Variants in MAF observed in about 807,000 individuals in gnomAD.
MAF encodes the protein transcription factor Maf.
Under a neutral mutation model 22.0 loss-of-function variants are expected in MAF, and 10 were observed. The ratio of observed to expected loss-of-function variants is 0.45; its 90% confidence interval spans 0.28 to 0.77. The LOEUF (loss-of-function observed/expected upper bound fraction) is 0.77. MAF is among the 30% of genes least tolerant of loss of function. The pLI, the probability that MAF is intolerant of heterozygous loss-of-function variation, is 0.12. For missense variants in MAF, 544 were observed against 548.4 expected (o/e 0.99, Z 0.08); for synonymous variants, 337 against 255.8 (o/e 1.32, Z -3.03).
chr16:79,507,895 A>T, the MAF span, among the ~76,000 whole-genome samples: 1 of 152,192 alleles, frequency 6.6e-6, no homozygotes, highest in South Asian at 2.1e-4. Context: ...TAAAATACCT[A>T]ATTGTTATTA....
chr16:79,379,905 C>G, the MAF span, among the ~76,000 whole-genome samples: 1 of 152,176 alleles, frequency 6.6e-6, no homozygotes, highest in African/African-American at 2.4e-5. Flanking sequence ...TGTTTGAGCT[C>G]AGAGACTCCC....
the MAF span, among the ~76,000 whole-genome samples, chr16:79,497,474 G>A: frequency 5.9e-5 from 9 of 152,176 alleles, no homozygotes; most frequent in East Asian, 1.5e-3. Flanking sequence ...GCTGTGCACT[G>A]CCCAAGGTCA....
chr16:79,415,077 G>A, the MAF span, among the ~76,000 whole-genome samples: 1 of 152,194 alleles, frequency 6.6e-6, no homozygotes, highest in South Asian at 2.1e-4. Flanking sequence ...AACCTCAAAG[G>A]ACTGTGTGCC....
the MAF span, among the ~76,000 whole-genome samples, chr16:79,516,826 C>G: frequency 8.8e-6 from 1 of 113,402 alleles, no homozygotes; most frequent in Non-Finnish European, 1.9e-5. Context: ...AAAGACAGAG[C>G]TAACGTCTCA....
the MAF span, among the ~76,000 whole-genome samples, chr16:79,394,776 C>T: frequency 2.6e-5 from 4 of 152,172 alleles, no homozygotes; most frequent in African/African-American, 4.8e-5. Flanking sequence ...GTCTGGGGTG[C>T]AACCTAGGTA....
the MAF span, among the ~76,000 whole-genome samples, chr16:79,492,207 A>G: frequency 6.6e-6 from 1 of 152,190 alleles, no homozygotes; most frequent in Admixed American, 6.5e-5. Flanking sequence ...CAGACCACAC[A>G]TGAAGAATGC....
the MAF span, among the ~76,000 whole-genome samples, chr16:79,478,970 G>C: frequency 1.1e-4 from 17 of 151,284 alleles, no homozygotes; most frequent in African/African-American, 4.1e-4. Flanking sequence ...TAATGCACCC[G>C]TGCACCACCT....
At chr16:79,221,972 A>C in the MAF span, among the ~76,000 whole-genome samples, 1 of 152,192 alleles carries the variant, frequency 6.6e-6, no homozygotes, top group Non-Finnish European at 1.5e-5. Flanking sequence ...AGACAGAGAA[A>C]CGTTTTTCTT....
At chr16:79,495,823 C>G in the MAF span, among the ~76,000 whole-genome samples, 20 of 152,142 alleles carry the variant, frequency 1.3e-4, no homozygotes, top group African/African-American at 4.8e-4. Flanking sequence ...AATATTTGAG[C>G]ACCAGCCACA....
chr16:79,507,539 C>T, the MAF span, among the ~76,000 whole-genome samples: 154 of 152,130 alleles, frequency 1.0e-3, 2 homozygotes, highest in South Asian at 0.011. Context: ...ATTCTCCTGC[C>T]TCAGCCTCCT....
chr16:79,518,679 T>C, the MAF span, among the ~76,000 whole-genome samples: 1 of 152,200 alleles, frequency 6.6e-6, no homozygotes, highest in African/African-American at 2.4e-5. Flanking sequence ...ATGTAAAACA[T>C]TGAAAACAGT....
At chr16:79,488,081 G>A in the MAF span, among the ~76,000 whole-genome samples, 1 of 152,210 alleles carries the variant, frequency 6.6e-6, no homozygotes, top group Non-Finnish European at 1.5e-5. Context: ...TAAAAAATCT[G>A]TCCCTGGAGA....
At chr16:79,288,890 C>A in the MAF span, among the ~76,000 whole-genome samples, 3 of 152,118 alleles carry the variant, frequency 2.0e-5, no homozygotes, top group Admixed American at 6.5e-5. Flanking sequence ...CCACCATGCC[C>A]AGCTAATTTT....
At chr16:79,582,476 A>G (rs1209028783), downstream of MAF, among the ~76,000 whole-genome samples, 2 of 152,188 alleles carry the variant, frequency 1.3e-5, no homozygotes, top group Non-Finnish European at 2.9e-5. Context: ...TTGACTGAAA[A>G]TAATACAAGT....
the MAF span, among the ~76,000 whole-genome samples, chr16:79,260,210 G>A: frequency 6.6e-6 from 1 of 152,144 alleles, no homozygotes; most frequent in South Asian, 2.1e-4. Flanking sequence ...GAGTGCAGTG[G>A]TGCAGTCGTG....
the MAF span, among the ~76,000 whole-genome samples, chr16:79,551,517 C>G: frequency 6.6e-6 from 1 of 152,110 alleles, no homozygotes; most frequent in Non-Finnish European, 1.5e-5. Context: ...AAGACGTGGC[C>G]CTTTCTGTCT....
At chr16:79,411,466 T>G in the MAF span, among the ~76,000 whole-genome samples, 1 of 152,178 alleles carries the variant, frequency 6.6e-6, no homozygotes, top group African/African-American at 2.4e-5. Flanking sequence ...GAAGCCTGCA[T>G]GACAATGAAC....
chr16:79,457,146 T>A, the MAF span, among the ~76,000 whole-genome samples: 1 of 152,194 alleles, frequency 6.6e-6, no homozygotes, highest in East Asian at 1.9e-4. Context: ...AAAGGGACTG[T>A]TCTCTCCAAG....
downstream of MAF, among the ~76,000 whole-genome samples, chr16:79,583,291 G>A (rs915394111): frequency 6.6e-6 from 1 of 152,182 alleles, no homozygotes; most frequent in Non-Finnish European, 1.5e-5. Flanking sequence ...TTTGACAACT[G>A]TTTGAATTCA....
Sources: gnomAD v4.1 joint callset for allele counts (sites outside exome capture counted in the v4.1 genomes callset) on GRCh38, gnomAD v4.1.1 for gene constraint, MANE v1.5 for transcripts, NCBI Gene and HGNC (gene_info 2026-07-23, HGNC 2026-07-21) for gene names.